GPC6: variants seen among roughly 807,000 people sequenced by gnomAD.
GPC6 encodes glypican-6.
GPC6 carries 14 observed loss-of-function variants against 55.2 expected under a neutral mutation model. That is an observed-to-expected ratio of 0.25 (90% CI 0.17 to 0.40). The LOEUF (loss-of-function observed/expected upper bound fraction) is 0.40, where lower values mean the gene tolerates loss of function less well. Ranked by LOEUF, GPC6 falls within the 10% of genes least tolerant of loss-of-function variation. The pLI, the probability that GPC6 is intolerant of heterozygous loss-of-function variation, is 1.00. For missense variants in GPC6, 641 were observed against 708.5 expected, an observed-to-expected ratio of 0.90 and a Z score of 1.08; for synonymous variants, 278 against 259.6, an observed-to-expected ratio of 1.07 and a Z score of -0.68.
chr13:94,139,249 A>G (rs942816065), intron 4 of GPC6, among the ~76,000 whole-genome samples: 2 of 152,156 alleles, frequency 1.3e-5, no homozygotes, highest in Non-Finnish European at 2.9e-5. Flanking sequence ...GGTGATAGGT[A>G]CCCTAAAAGC....
intron 1 of GPC6, among the ~76,000 whole-genome samples, chr13:93,334,291 T>C (rs1706238610): frequency 6.6e-6 from 1 of 152,176 alleles, no homozygotes; most frequent in South Asian, 2.1e-4. Flanking sequence ...AAATCTTACC[T>C]TGTTCTTCTT....
At chr13:94,191,609 GAA>G (rs111423235) in intron 4 of GPC6, among the ~76,000 whole-genome samples, 191 of 138,984 alleles carry the variant, frequency 1.4e-3, no homozygotes, top group South Asian at 6.5e-3. Context: ...TCTTAAGCTG[GAA>G]AAAAAAAAAA....
chr13:93,740,967 A>G (rs920472506), intron 2 of GPC6, among the ~76,000 whole-genome samples: 6 of 152,054 alleles, frequency 3.9e-5, no homozygotes, highest in African/African-American at 9.7e-5. Context: ...ATGGTTTTTC[A>G]TTAGTTTTTT....
intron 1 of GPC6, among the ~76,000 whole-genome samples, chr13:93,359,291 A>T (rs1267390011): frequency 6.6e-6 from 1 of 152,102 alleles, no homozygotes; most frequent in Non-Finnish European, 1.5e-5. Context: ...GAAAAAAATA[A>T]TAATAATAAC....
chr13:93,460,022 C>T (rs1029930856), intron 1 of GPC6, among the ~76,000 whole-genome samples: 8 of 152,314 alleles, frequency 5.3e-5, no homozygotes, highest in African/African-American at 1.9e-4. Context: ...GGTGTGTGTT[C>T]ACCATTATCT....
chr13:93,654,257 A>G lies in GPC6; in HGVS notation c.319+108836A>G, dbSNP rs1880555721. On this transcript the variant is annotated intron_variant, in intron 2 of 8. Coordinates refer to ENST00000377047, the MANE Select transcript of GPC6 (RefSeq NM_005708.5). ...TTAAGTAATTATTATTATTATTACT[A>G]TTTATTTATTTTTTGAAACAGAATC... Among the ~76,000 whole-genome samples the G allele has an allele frequency of 2.0e-5, 3 of 151,862 alleles. No homozygotes were observed. The South Asian group carries it at 6.2e-4, about 32-fold the overall frequency.
At chr13:93,394,416 G>A (rs537103314) in intron 1 of GPC6, among the ~76,000 whole-genome samples, 1 of 152,168 alleles carries the variant, frequency 6.6e-6, no homozygotes, top group Non-Finnish European at 1.5e-5. Flanking sequence ...TGATTATGTG[G>A]TTATTGCCTT....
At chr13:94,250,490 G>T (rs75116008) in intron 4 of GPC6, among the ~76,000 whole-genome samples, 4,372 of 152,238 alleles carry the variant, frequency 0.029, 214 homozygotes, top group African/African-American at 0.092. Context: ...ATGCTCACAT[G>T]CATGTCTTTA....
chr13:93,240,106 T>C (rs990341321), intron 1 of GPC6, among the ~76,000 whole-genome samples: 2 of 152,106 alleles, frequency 1.3e-5, no homozygotes, highest in Admixed American at 6.5e-5. Flanking sequence ...GTATATTCTC[T>C]AGTTTGGTGT....
At chr13:93,725,750 GT>G (rs1883614257) in intron 2 of GPC6, among the ~76,000 whole-genome samples, 2 of 151,940 alleles carry the variant, frequency 1.3e-5, no homozygotes, top group African/African-American at 4.8e-5. Context: ...TAGATGATTT[GT>G]TTTTAAAACT....
At chr13:94,392,325 T>TATA (rs1183802976) in intron 7 of GPC6, among the ~76,000 whole-genome samples, 3 of 151,524 alleles carry the variant, frequency 2.0e-5, no homozygotes, top group Non-Finnish European at 1.5e-5. Flanking sequence ...TATTCATATA[T>TATA]ATAATAATAA....
chr13:93,986,304 T>C (rs1002051211), intron 3 of GPC6, among the ~76,000 whole-genome samples: 2 of 152,174 alleles, frequency 1.3e-5, no homozygotes, highest in Non-Finnish European at 2.9e-5. Flanking sequence ...TGTTAGACAT[T>C]CAACTCTGTG....
chr13:93,908,262 C>T (rs1876777427), intron 3 of GPC6, among the ~76,000 whole-genome samples: 1 of 152,120 alleles, frequency 6.6e-6, no homozygotes, highest in Admixed American at 6.6e-5. Context: ...GAATAAATTG[C>T]AGACTTCATA....
chr13:93,945,603 G>T (rs1878968311), intron 3 of GPC6, among the ~76,000 whole-genome samples: 1 of 152,196 alleles, frequency 6.6e-6, no homozygotes, highest in Non-Finnish European at 1.5e-5. Flanking sequence ...AAATAGGGAA[G>T]CCGAAAGACA....
chr13:93,400,956 C>T (rs1468693088), intron 1 of GPC6, among the ~76,000 whole-genome samples: 1 of 152,042 alleles, frequency 6.6e-6, no homozygotes, highest in Admixed American at 6.6e-5. Flanking sequence ...CATGTCAGGG[C>T]CTCTGGAACA....
intron 2 of GPC6, among the ~76,000 whole-genome samples, chr13:93,741,115 A>ATT (rs1884183560): frequency 1.6e-5 from 2 of 122,076 alleles, no homozygotes; most frequent in African/African-American, 2.9e-5. Flanking sequence ...CCCATCCAGA[A>ATT]TCTTTTTTTT....
chr13:93,349,089 G>T (rs1358903672), intron 1 of GPC6, among the ~76,000 whole-genome samples: 2 of 152,090 alleles, frequency 1.3e-5, no homozygotes, highest in Non-Finnish European at 1.5e-5. Flanking sequence ...GATATATTCT[G>T]GGTATCAACA....
chr13:94,152,842 C>T (rs1324091924), intron 4 of GPC6, among the ~76,000 whole-genome samples: 1 of 152,076 alleles, frequency 6.6e-6, no homozygotes, highest in African/African-American at 2.4e-5. Flanking sequence ...TAATGGAAGT[C>T]AGCTCAAGGC....
intron 1 of GPC6, among the ~76,000 whole-genome samples, chr13:93,239,625 G>A (rs978601061): frequency 8.7e-5 from 13 of 149,952 alleles, no homozygotes; most frequent in South Asian, 2.1e-4. Context: ...TTTCAGTTTC[G>A]GTTTTGTTTA....
Sources: gnomAD v4.1 joint callset for allele counts (sites outside exome capture counted in the v4.1 genomes callset) on GRCh38, gnomAD v4.1.1 for gene constraint, MANE v1.5 for transcripts, NCBI Gene and HGNC (gene_info 2026-07-23, HGNC 2026-07-21) for gene names.